DTNBP1: variants seen among roughly 807,000 people sequenced by gnomAD.
DTNBP1 encodes the protein dystrobrevin binding protein 1, also known as dysbindin.
A neutral mutation model predicts 42.8 loss-of-function variants in DTNBP1; 35 were observed. The observed-to-expected ratio is 0.82, with a 90% confidence interval of 0.63 to 1.09. DTNBP1 has a LOEUF of 1.09. Among genes scored for constraint, DTNBP1 ranks in the 50% least tolerant of loss-of-function variants. The pLI is 0.00. For missense variants in DTNBP1, 457 were observed against 424.2 expected (o/e 1.08, Z -0.68); for synonymous variants, 171 against 162.2 (o/e 1.05, Z -0.41).
At position 15,526,444 on chromosome 6, in the gene DTNBP1, G is replaced by GA. The variant is rs529277832; in HGVS notation, c.668-1776dup. ...GTGAGTCTCATTATCCTCAGGCTCA[G>GA]AAAATCACTAAAGTTCAGCACTTGA... On this transcript the variant is annotated intron_variant, in intron 8 of 9. Transcript: ENST00000344537. 1.4e-4 allele frequency among the ~76,000 whole-genome samples: 22 copies of GA among 152,348 alleles called. No individual in the cohort carries two copies. The East Asian group carries it at 4.1e-3, about 28-fold the overall frequency.
chr6:15,523,819 GTTCTGACAGA>G, intron 9 of DTNBP1: 1 of 1,287,206 alleles, frequency 7.8e-7, no homozygotes, highest in Non-Finnish European at 1.0e-6. Context: ...GGATGACACC[GTTCTGACAGA>G]TTGCCAGGAG....
intron 7 of DTNBP1, among the ~76,000 whole-genome samples, chr6:15,547,261 A>G (rs560910934): frequency 3.3e-5 from 5 of 152,338 alleles, no homozygotes; most frequent in Admixed American, 3.3e-4. Flanking sequence ...ACAGAAAACC[A>G]GTGGTTCTCC....
chr6:15,599,299 C>T (rs1776632419), intron 6 of DTNBP1, among the ~76,000 whole-genome samples: 1 of 152,110 alleles, frequency 6.6e-6, no homozygotes, highest in African/African-American at 2.4e-5. Flanking sequence ...ATACTGTCTC[C>T]TATAACTTGT....
At chr6:15,571,500 C>T (rs1009161787) in intron 7 of DTNBP1, among the ~76,000 whole-genome samples, 10 of 152,284 alleles carry the variant, frequency 6.6e-5, no homozygotes, top group Middle Eastern at 3.4e-3. Context: ...CTATAATAAC[C>T]ACTGCTCTGG....
chr6:15,608,695 T>C (rs1758213449), intron 6 of DTNBP1, among the ~76,000 whole-genome samples: 1 of 152,246 alleles, frequency 6.6e-6, no homozygotes, highest in Non-Finnish European at 1.5e-5. Context: ...CTTGGCTGCC[T>C]GGAAATGACT....
intron 7 of DTNBP1, among the ~76,000 whole-genome samples, chr6:15,576,299 T>C (rs1436350139): frequency 1.3e-5 from 2 of 151,630 alleles, no homozygotes; most frequent in Non-Finnish European, 2.9e-5. Flanking sequence ...TTGTATTTTT[T>C]ATTAGTAGAG....
At chr6:15,573,973 G>C (rs984228930) in intron 7 of DTNBP1, among the ~76,000 whole-genome samples, 3 of 152,180 alleles carry the variant, frequency 2.0e-5, no homozygotes, top group Non-Finnish European at 4.4e-5. Context: ...CCAAAGTGTC[G>C]GGATTACAGG....
chr6:15,540,547 C>T (rs186374811), intron 7 of DTNBP1, among the ~76,000 whole-genome samples: 1 of 152,264 alleles, frequency 6.6e-6, no homozygotes, highest in East Asian at 1.9e-4. Context: ...GAATTATTGG[C>T]CCTTCAGTTT....
chr6:15,635,526 C>G (rs990510586), intron 4 of DTNBP1, among the ~76,000 whole-genome samples: 1 of 152,160 alleles, frequency 6.6e-6, no homozygotes, highest in African/African-American at 2.4e-5. Flanking sequence ...GGAAAATTCT[C>G]AGACATGTTT....
At chr6:15,523,948 A>G (rs1268227332) in intron 9 of DTNBP1, 1 of 1,287,426 alleles carries the variant, frequency 7.8e-7, no homozygotes, top group East Asian at 5.5e-5. Context: ...CCCAGCCCAA[A>G]GAACTGGTCT....
intron 7 of DTNBP1, among the ~76,000 whole-genome samples, chr6:15,541,951 A>C (rs1384638316): frequency 6.6e-6 from 1 of 152,198 alleles, no homozygotes; most frequent in Non-Finnish European, 1.5e-5. Flanking sequence ...GAAAACTAGG[A>C]TAAGCCTCTC....
intron 7 of DTNBP1, among the ~76,000 whole-genome samples, chr6:15,549,446 T>C (rs946875477): frequency 3.3e-4 from 47 of 141,424 alleles, no homozygotes; most frequent in African/African-American, 1.1e-3. Flanking sequence ...GACCGCGCCA[T>C]TGCACTCCAG....
intron 3 of DTNBP1, among the ~76,000 whole-genome samples, chr6:15,638,722 A>G (rs1760168418): frequency 1.3e-5 from 2 of 152,192 alleles, no homozygotes; most frequent in South Asian, 4.1e-4. Context: ...ATGCACTGGG[A>G]AGGATATAAC....
intron 7 of DTNBP1, among the ~76,000 whole-genome samples, chr6:15,571,507 C>T (rs1040749335): frequency 6.6e-5 from 10 of 152,226 alleles, no homozygotes; most frequent in African/African-American, 1.9e-4. Flanking sequence ...AACCACTGCT[C>T]TGGGGTTTCA....
intron 7 of DTNBP1, among the ~76,000 whole-genome samples, chr6:15,550,234 T>C (rs1269002762): frequency 2.6e-5 from 4 of 152,216 alleles, no homozygotes; most frequent in African/African-American, 9.7e-5. Flanking sequence ...TCATACTGCC[T>C]TGATTTCAAA....
intron 7 of DTNBP1, among the ~76,000 whole-genome samples, chr6:15,553,161 T>C (rs1246263305): frequency 4.6e-5 from 7 of 152,284 alleles, no homozygotes; most frequent in Non-Finnish European, 1.5e-5. Flanking sequence ...TCAGGAATAC[T>C]GCCCTGTTAT....
intron 3 of DTNBP1, among the ~76,000 whole-genome samples, chr6:15,642,467 A>G (rs910917587): frequency 1.7e-4 from 26 of 151,830 alleles, no homozygotes; most frequent in African/African-American, 6.0e-4. Flanking sequence ...CTTCCACCCA[A>G]CGCCAGCCTA....
chr6:15,524,193 C>A (rs1456600538), intron 9 of DTNBP1: 8 of 1,485,972 alleles, frequency 5.4e-6, no homozygotes, highest in Non-Finnish European at 7.2e-6. Flanking sequence ...AGAGTCCGCA[C>A]CTCCCTGCAA....
chr6:15,545,476 C>T (rs1042418977), intron 7 of DTNBP1, among the ~76,000 whole-genome samples: 6 of 152,132 alleles, frequency 3.9e-5, no homozygotes, highest in African/African-American at 1.4e-4. Context: ...TTTCTTAACC[C>T]TTGCTCCAAC....
Sources: gnomAD v4.1 joint callset for allele counts (sites outside exome capture counted in the v4.1 genomes callset) on GRCh38, gnomAD v4.1.1 for gene constraint, MANE v1.5 for transcripts, NCBI Gene and HGNC (gene_info 2026-07-23, HGNC 2026-07-21) for gene names.